Variants in ZBTB20 observed in about 807,000 individuals in gnomAD.
ZBTB20 encodes the protein zinc finger and BTB domain containing 20, also known as zinc finger and BTB domain-containing protein 20.
Under a neutral mutation model 56.9 loss-of-function variants are expected in ZBTB20, and 9 were observed. The ratio of observed to expected loss-of-function variants is 0.16; its 90% CI spans 0.10 to 0.28. The LOEUF is 0.28. ZBTB20 is among the 10% of genes least tolerant of loss of function. The probability of loss-of-function intolerance (pLI) is 1.00; values close to 1 mark genes in which losing one functional copy is unlikely to be tolerated. For missense variants in ZBTB20, 655 were observed against 1,003.0 expected (o/e 0.65, Z 4.69); for synonymous variants, 417 against 420.7 (o/e 0.99, Z 0.11).
At chr3:114,790,360 G>T (rs2070856687) in intron 5 of ZBTB20, among the ~76,000 whole-genome samples, 1 of 152,000 alleles carries the variant, frequency 6.6e-6, no homozygotes, top group Non-Finnish European at 1.5e-5. Flanking sequence ...CCAATGTGAA[G>T]AATATGGTAT....
intron 4 of ZBTB20, among the ~76,000 whole-genome samples, chr3:114,883,470 A>C (rs609380): frequency 1.7e-4 from 26 of 152,198 alleles, no homozygotes; most frequent in African/African-American, 6.0e-4. Flanking sequence ...GTTGAATCTA[A>C]CCTTGATTAA....
At chr3:114,933,554 G>A (rs1307784739) in intron 3 of ZBTB20, among the ~76,000 whole-genome samples, 1 of 152,238 alleles carries the variant, frequency 6.6e-6, no homozygotes, top group African/African-American at 2.4e-5. Flanking sequence ...GACAGTCACA[G>A]TATCAGGAAT....
At chr3:114,573,599 GAAAA>G (rs1295504507) in intron 6 of ZBTB20, among the ~76,000 whole-genome samples, 3 of 151,086 alleles carry the variant, frequency 2.0e-5, no homozygotes, top group Non-Finnish European at 3.0e-5. Flanking sequence ...AAAAAGAAAA[GAAAA>G]GAAAAGAAAA....
chr3:114,512,587 T>C (rs1401842583), intron 6 of ZBTB20, among the ~76,000 whole-genome samples: 2 of 152,158 alleles, frequency 1.3e-5, no homozygotes, highest in African/African-American at 4.8e-5. Flanking sequence ...CTTTCATGAA[T>C]GACCTGATCC....
intron 6 of ZBTB20, among the ~76,000 whole-genome samples, chr3:114,538,245 A>G (rs945058804): frequency 9.2e-5 from 14 of 152,172 alleles, no homozygotes; most frequent in African/African-American, 3.1e-4. Flanking sequence ...TAAGTGTTAC[A>G]TTTTTCATTG....
Position 114,679,719 on chromosome 3 carries a change from T to C in ZBTB20, c.-295+13809A>G, listed in dbSNP as rs150843318. 1.5e-3 allele frequency among the ~76,000 whole-genome samples: 226 copies of C among 152,254 alleles called. 1 individual carries two copies. The highest frequency in any genetic ancestry group is 0.01 in the South Asian group (49 of 4,822). On this transcript the variant is annotated intron_variant, in intron 6 of 11. Transcript: ENST00000675478. ...AATATAGTTCAATGATTGTGGAAGA[T>C]AGTGTGGTGATTCCTCAAGGATCTA...
intron 6 of ZBTB20, among the ~76,000 whole-genome samples, chr3:114,646,555 A>C (rs2059849714): frequency 6.6e-6 from 1 of 152,214 alleles, no homozygotes; most frequent in African/African-American, 2.4e-5. Flanking sequence ...AGCCAAAAAA[A>C]ATCTCTCTCT....
intron 1 of ZBTB20, among the ~76,000 whole-genome samples, chr3:115,072,452 G>A (rs1183184391): frequency 1.3e-5 from 2 of 152,134 alleles, no homozygotes; most frequent in African/African-American, 4.8e-5. Context: ...GAATAGCTGT[G>A]TCAGGTAAGA....
At chr3:114,396,460 A>G (rs1258812380) in intron 7 of ZBTB20, among the ~76,000 whole-genome samples, 2 of 152,162 alleles carry the variant, frequency 1.3e-5, no homozygotes, top group African/African-American at 2.4e-5. Context: ...CTTTTCACAG[A>G]TAACTTTATT....
chr3:114,948,366 A>G (rs191672875), intron 3 of ZBTB20, among the ~76,000 whole-genome samples: 1 of 146,306 alleles, frequency 6.8e-6, no homozygotes, highest in Admixed American at 6.6e-5. Flanking sequence ...AACCAAACCT[A>G]GAACAAATGT....
chr3:114,416,157 A>G (rs1001024769), intron 7 of ZBTB20, among the ~76,000 whole-genome samples: 1 of 152,052 alleles, frequency 6.6e-6, no homozygotes, highest in Admixed American at 6.6e-5. Flanking sequence ...TTGCCCACGT[A>G]TGGTACACCC....
chr3:114,681,525 C>A (rs1385311588), intron 6 of ZBTB20, among the ~76,000 whole-genome samples: 1 of 152,210 alleles, frequency 6.6e-6, no homozygotes, highest in Non-Finnish European at 1.5e-5. Flanking sequence ...GATTAAAAAA[C>A]ATAAAATCCT....
intron 6 of ZBTB20, among the ~76,000 whole-genome samples, chr3:114,676,350 T>C (rs1265421698): frequency 6.6e-6 from 1 of 152,182 alleles, no homozygotes; most frequent in Non-Finnish European, 1.5e-5. Flanking sequence ...TATAAAGTAG[T>C]AATAATAAAA....
At chr3:115,009,260 G>T (rs2079601580) in intron 2 of ZBTB20, among the ~76,000 whole-genome samples, 1 of 151,580 alleles carries the variant, frequency 6.6e-6, no homozygotes, top group African/African-American at 2.4e-5. Context: ...TAATCTATAT[G>T]GTTAAAAATT....
chr3:114,601,638 CAG>C (rs531569272), intron 6 of ZBTB20, among the ~76,000 whole-genome samples: 3 of 151,772 alleles, frequency 2.0e-5, no homozygotes, highest in Admixed American at 1.3e-4. Context: ...CTAGATAAAA[CAG>C]AGATGAGTTA....
At chr3:114,654,015 T>A (rs573020304) in intron 6 of ZBTB20, among the ~76,000 whole-genome samples, 2 of 152,086 alleles carry the variant, frequency 1.3e-5, no homozygotes, top group South Asian at 4.1e-4. Context: ...CTTGAACTTT[T>A]CTGTTATAGC....
intron 10 of ZBTB20, 136 bp from the exon 11 acceptor site, chr3:114,352,014 G>C: frequency 3.6e-6 from 4 of 1,122,580 alleles, no homozygotes; most frequent in Non-Finnish European, 5.0e-6. Flanking sequence ...GTGGGGAGAT[G>C]GACAGGCTGC....
intron 4 of ZBTB20, among the ~76,000 whole-genome samples, chr3:114,860,390 G>A (rs1206479148): frequency 6.6e-6 from 1 of 152,158 alleles, no homozygotes; most frequent in Non-Finnish European, 1.5e-5. Context: ...GCCTTCATGG[G>A]GGAGATGGCA....
chr3:114,979,606 A>G (rs192143850), intron 2 of ZBTB20, among the ~76,000 whole-genome samples: 1 of 152,174 alleles, frequency 6.6e-6, no homozygotes, highest in Admixed American at 6.6e-5. Flanking sequence ...TATAGCAAAC[A>G]AGTCTTCATT....
Sources: allele counts gnomAD v4.1 joint callset (sites outside exome capture counted in the v4.1 genomes callset), GRCh38; gene constraint gnomAD v4.1.1; transcripts MANE v1.5; gene names NCBI Gene and HGNC (gene_info 2026-07-23, HGNC 2026-07-21).